The following MCF2L variants were observed in gnomAD, a reference collection of about 807,000 sequenced individuals.
MCF2L encodes MCF.2 cell line derived transforming sequence like, also known as guanine nucleotide exchange factor DBS.
In MCF2L, 97 loss-of-function variants were observed where a neutral mutation model predicts 153.4. That is an observed-to-expected ratio of 0.63 (90% confidence interval 0.54 to 0.75). The LOEUF (loss-of-function observed/expected upper bound fraction) is 0.75. Among genes scored for constraint, MCF2L ranks in the 30% least tolerant of loss-of-function variants. The pLI is 0.00. For missense variants in MCF2L, 1,347 were observed against 1,495.2 expected (o/e 0.90, Z 1.64); for synonymous variants, 659 against 632.2 (o/e 1.04, Z -0.64).
intron 4 of MCF2L, among the ~76,000 whole-genome samples, chr13:113,055,730 G>C (rs2087720473): frequency 6.6e-6 from 1 of 152,204 alleles, no homozygotes; most frequent in African/African-American, 2.4e-5. Context: ...CAGATGCTCA[G>C]CTCACGATTC....
Position 113,087,198 on chromosome 13 carries a change from T to C in MCF2L, c.2374-37T>C, listed in dbSNP as rs76475120. 1.2e-3 allele frequency: 1,890 copies of C among 1,566,550 alleles called. 14 individuals are homozygous for C. In the African/African-American group the frequency reaches 0.021, roughly 18 times the overall value. ...ATGCGCGTCCATGGCCCCAGGCCCA[T>C]CCCGTCCTGAACACAGCCCTGCTGT... is the stretch of plus-strand genomic sequence containing the variant. On this transcript the variant is annotated intron_variant, in intron 21 of 29. Transcript: ENST00000535094.
chr13:112,976,273 A>G (rs1033645975), intron 1 of MCF2L, among the ~76,000 whole-genome samples: 4 of 151,992 alleles, frequency 2.6e-5, no homozygotes, highest in Non-Finnish European at 4.4e-5. Context: ...ATGAAAACCA[A>G]TTTCTCAGCA....
intron 2 of MCF2L, chr13:112,910,075 T>C (rs1594309101): frequency 6.6e-6 from 1 of 152,262 alleles, no homozygotes; most frequent in African/African-American, 2.4e-5. Flanking sequence ...CTGTCTTACA[T>C]AGCAGAGTGA....
intron 3 of MCF2L, among the ~76,000 whole-genome samples, chr13:113,033,219 G>A (rs112287892): frequency 2.2e-4 from 13 of 59,308 alleles, no homozygotes; most frequent in East Asian, 4.0e-4. Flanking sequence ...CCCGTGACAT[G>A]AGTGGCCCCC....
chr13:112,920,669 G>T (rs117437203), intron 2 of MCF2L, among the ~76,000 whole-genome samples: 2 of 151,064 alleles, frequency 1.3e-5, no homozygotes, highest in East Asian at 3.9e-4. Context: ...GGGTGCCAGG[G>T]GGAGGGCTTG....
Position 112,969,432 on chromosome 13 carries a change from G to A in MCF2L, c.53G>A (p.Arg18Lys), listed in dbSNP as rs1351465806. Reference protein sequence around the residue: ...EEMALEEMVQRLNAVSKHTDE... With the variant: ...EEMALEEMVQKLNAVSKHTDE... ...ATGGCCTTGGAAGAAATGGTGCAGA[G>A]ATTAAATGCGGTTTCCAAGCACACG... The change falls in exon 1 of 30, where the codon AGA becomes AAA. Residue 18 changes from arginine (R) to lysine (K), a missense_variant. By Grantham distance (26) the Arg-to-Lys change is conservative. Transcript: ENST00000535094. The surrounding 1 kb of genome is among the most constrained non-coding windows in gnomAD (Gnocchi z 4.8). 5 of 1,550,372 alleles carry A rather than the reference G, an allele frequency of 3.2e-6. No homozygotes were observed. The South Asian group carries it at 3.6e-5, about 11-fold the overall frequency.
chr13:113,081,319 T>C, intron 16 of MCF2L, 40 bp downstream of exon 16: 2 of 1,542,042 alleles, frequency 1.3e-6, no homozygotes, highest in Non-Finnish European at 1.8e-6. Flanking sequence ...CCACGGGGAC[T>C]CCCCTGGGCC....
intron 13 of MCF2L, among the ~76,000 whole-genome samples, chr13:113,077,677 G>A (rs487784): frequency 0.42 from 63,519 of 152,030 alleles, 13,675 homozygotes; most frequent in South Asian, 0.5. Flanking sequence ...AGCCACGTCC[G>A]CGCACCTCAG....
intron 2 of MCF2L, among the ~76,000 whole-genome samples, chr13:112,940,093 T>G (rs540612263): frequency 5.0e-4 from 74 of 146,860 alleles, no homozygotes; most frequent in African/African-American, 1.7e-3. Flanking sequence ...CAACGGGGGG[T>G]GGGGGCATCC....
At chr13:113,006,506 C>A (rs911698317) in intron 1 of MCF2L, among the ~76,000 whole-genome samples, 12 of 152,344 alleles carry the variant, frequency 7.9e-5, no homozygotes, top group African/African-American at 2.2e-4. Flanking sequence ...TCTCCCTGGA[C>A]CCCTAGCCAT....
chr13:112,963,008 T>G (rs34144481), intron 2 of MCF2L, among the ~76,000 whole-genome samples: 99,129 of 151,764 alleles, frequency 0.65, 32,645 homozygotes, highest in Non-Finnish European at 0.71. Context: ...AAGGGGTGGG[T>G]CCCGTGGGTG....
intron 26 of MCF2L, among the ~76,000 whole-genome samples, chr13:113,093,258 G>A (rs947796330): frequency 2.0e-5 from 3 of 152,256 alleles, no homozygotes; most frequent in African/African-American, 7.2e-5. Context: ...CTGCAGGTCT[G>A]CAACCGGAAA....
chr13:113,000,119 GTGTTCCAGGGATAGCTCA>G (rs2083300916), intron 1 of MCF2L, among the ~76,000 whole-genome samples: 2 of 152,194 alleles, frequency 1.3e-5, no homozygotes, highest in South Asian at 4.1e-4. Context: ...CCCGGGGCTC[GTGTTCCAGGGATAGCTCA>G]TCTGGGATGC....
intron 27 of MCF2L, 157 bp from the exon 28 acceptor site, chr13:113,096,214 G>C (rs2035638795): frequency 3.1e-6 from 2 of 635,352 alleles, no homozygotes; most frequent in African/African-American, 3.7e-5. Flanking sequence ...CTGCGGCGTA[G>C]CCTCCTCCCA....
intron 2 of MCF2L, among the ~76,000 whole-genome samples, chr13:112,926,180 A>G (rs1348091499): frequency 2.0e-5 from 3 of 152,190 alleles, no homozygotes; most frequent in Non-Finnish European, 4.4e-5. Flanking sequence ...CTATATACAC[A>G]GCGGAGTGCA....
chr13:113,057,502 GTGTT>G (rs34797647), intron 4 of MCF2L, among the ~76,000 whole-genome samples: 45,093 of 138,286 alleles, frequency 0.33, 7,769 homozygotes, highest in Admixed American at 0.36. Flanking sequence ...TGGGCGCTGA[GTGTT>G]TGGGTGCTGA....
intron 1 of MCF2L, among the ~76,000 whole-genome samples, chr13:113,007,160 G>A (rs1018582412): frequency 2.6e-5 from 4 of 152,194 alleles, no homozygotes; most frequent in Non-Finnish European, 4.4e-5. Flanking sequence ...ACCCCAGCCA[G>A]GGCATGAGTG....
rs1466111185 is a variant in MCF2L at position 112,993,504 on chromosome 13, G to C, written c.80-21259G>C. On this transcript the variant is annotated intron_variant, in intron 1 of 29. Transcript: ENST00000535094. The surrounding 1 kb of genome is among the most constrained non-coding windows in gnomAD (Gnocchi z 4.6). ...AAACAAGTGGCTTAGGACCACCCTA[G>C]TCGTTCAGGCGTGGGATGAGGCTCC... Among the ~76,000 whole-genome samples the C allele has an allele frequency of 1.3e-5, 2 of 152,132 alleles. No homozygotes were observed. Among genetic ancestry groups the C allele is most frequent in the African/African-American group, 4.8e-5 (2 of 41,420 alleles).
intron 2 of MCF2L, among the ~76,000 whole-genome samples, chr13:112,912,887 G>T (rs573399379): frequency 2.0e-4 from 31 of 151,764 alleles, no homozygotes; most frequent in Admixed American, 1.3e-3. Context: ...GTGTGATTGT[G>T]TGTGTGTCTG....
Sources: allele counts gnomAD v4.1 joint callset (sites outside exome capture counted in the v4.1 genomes callset), GRCh38; gene constraint gnomAD v4.1.1; non-coding constraint Gnocchi (gnomAD v3.1); transcripts MANE v1.5; gene names NCBI Gene and HGNC (gene_info 2026-07-23, HGNC 2026-07-21).